PLEKHA2: variants seen among roughly 807,000 people sequenced by gnomAD.
The protein encoded by PLEKHA2 is pleckstrin homology domain containing A2.
PLEKHA2 carries 28 observed loss-of-function variants against 53.2 expected under a neutral mutation model. That is an observed-to-expected ratio of 0.53 (90% CI 0.39 to 0.72). PLEKHA2 has a LOEUF of 0.72. Among genes scored for constraint, PLEKHA2 ranks in the 30% least tolerant of loss-of-function variants. The pLI is 0.00. For missense variants in PLEKHA2, 426 were observed against 537.9 expected, an observed-to-expected ratio of 0.79 and a Z score of 2.06; for synonymous variants, 193 against 196.4, an observed-to-expected ratio of 0.98 and a Z score of 0.14.
chr8:38,901,809 C>A (rs1446397446), intron 1 of PLEKHA2: 1 of 152,230 alleles, frequency 6.6e-6, no homozygotes, highest in Non-Finnish European at 1.5e-5. Context: ...AGCGAAACTT[C>A]TCTGCGGGTT....
At chr8:38,901,555 G>C (rs1180715586) in intron 1 of PLEKHA2, 110 bp downstream of exon 1, 1 of 152,136 alleles carries the variant, frequency 6.6e-6, no homozygotes, top group Non-Finnish European at 1.5e-5. Context: ...TGGCGGCCTA[G>C]GGGCGCGAGG....
intron 3 of PLEKHA2, among the ~76,000 whole-genome samples, chr8:38,937,010 AC>A (rs941095979): frequency 3.3e-5 from 5 of 152,142 alleles, no homozygotes; most frequent in African/African-American, 1.2e-4. Context: ...CCATCTTGTA[AC>A]AAGCTTTGGG....
Position 38,969,584 on chromosome 8 carries a change from TC to T in PLEKHA2, c.1084del (p.Gln362ArgfsTer36). 1 of 1,610,232 alleles carries T rather than the reference TC, an allele frequency of 6.2e-7. No individual in the cohort carries two copies. The highest frequency in any genetic ancestry group is 1.7e-5 in the Admixed American group (1 of 59,332). On this transcript the variant is annotated frameshift_variant, in exon 12 of 12. Coordinates refer to ENST00000617275, the MANE Select transcript of PLEKHA2 (RefSeq NM_021623.2). LOFTEE classifies it high-confidence loss of function. ...VASSWQPWTP[V>X]PQAGEKLLPP... ...TCCTCCTGGCAGCCCTGGACACCTG[TC>T]CCCCAGGCTGGGGAGAAGCTGCTTC...
intron 4 of PLEKHA2, among the ~76,000 whole-genome samples, chr8:38,944,831 T>A (rs1834679587): frequency 6.6e-6 from 1 of 152,236 alleles, no homozygotes; most frequent in African/African-American, 2.4e-5. Flanking sequence ...ATTTTTTTCT[T>A]TTAATAATTG....
At chr8:38,963,658 G>A (rs1038715673) in intron 10 of PLEKHA2, among the ~76,000 whole-genome samples, 4 of 152,146 alleles carry the variant, frequency 2.6e-5, no homozygotes, top group Admixed American at 2.6e-4. Context: ...AGGATTGCTT[G>A]AGGCCAGGAA....
intron 10 of PLEKHA2, 26 bp downstream of exon 10, chr8:38,957,412 C>T: frequency 6.3e-7 from 1 of 1,581,892 alleles, no homozygotes; most frequent in South Asian, 1.1e-5. Context: ...CCAGAAGACT[C>T]CAGCATTCTG....
chr8:38,945,336 T>C (rs1490235079), intron 4 of PLEKHA2, among the ~76,000 whole-genome samples: 1 of 152,202 alleles, frequency 6.6e-6, no homozygotes, highest in Non-Finnish European at 1.5e-5. Flanking sequence ...AGTAAATATT[T>C]GTCAAATGAA....
At chr8:38,938,540 T>C (rs1411272076) in intron 3 of PLEKHA2, among the ~76,000 whole-genome samples, 1 of 152,242 alleles carries the variant, frequency 6.6e-6, no homozygotes, top group Non-Finnish European at 1.5e-5. Flanking sequence ...GCCTGGCCGC[T>C]GACGAGCTTG....
At chr8:38,945,470 T>C (rs1231134892) in intron 4 of PLEKHA2, among the ~76,000 whole-genome samples, 1 of 152,240 alleles carries the variant, frequency 6.6e-6, no homozygotes, top group East Asian at 1.9e-4. Flanking sequence ...TTGTTCAGAC[T>C]TCTTTGGCAT....
intron 3 of PLEKHA2, 86 bp downstream of exon 3, chr8:38,936,136 A>G (rs1346949293): frequency 1.1e-5 from 16 of 1,426,104 alleles, no homozygotes; most frequent in Admixed American, 6.8e-5. Context: ...TCCTTTGGGC[A>G]TTAGTATTTA....
chr8:38,920,191 C>T (rs948705882), intron 2 of PLEKHA2, among the ~76,000 whole-genome samples: 2 of 152,078 alleles, frequency 1.3e-5, no homozygotes, highest in Non-Finnish European at 2.9e-5. Context: ...CTCTCTGTTG[C>T]CCAGGCTAGA....
Position 38,971,513 on chromosome 8 carries a change from C to T in PLEKHA2, c.*1730C>T, listed in dbSNP as rs1455219207. 6.6e-6 allele frequency: 1 copy of T among 152,144 alleles called. No homozygotes were observed. The highest frequency in any genetic ancestry group is 1.5e-5 in the Non-Finnish European group (1 of 68,014). 9.4% of individuals were successfully genotyped at this position (152,144 alleles called of 1,614,324 possible). A position where few individuals can be genotyped will look rare whatever the true frequency, so the allele number is the denominator to read the frequency against. ...AAATTTTTTGGCTATTCAAAGAAAG[C>T]ACAAAATATGTGATGTGGAACTCAT... On this transcript the variant is annotated 3_prime_UTR_variant, in exon 12 of 12. Coordinates refer to ENST00000617275, the MANE Select transcript of PLEKHA2 (RefSeq NM_021623.2).
At chr8:38,939,923 A>G (rs997018125) in intron 3 of PLEKHA2, among the ~76,000 whole-genome samples, 2 of 151,384 alleles carry the variant, frequency 1.3e-5, no homozygotes, top group Non-Finnish European at 2.9e-5. Flanking sequence ...CTGTCTCTAC[A>G]AAAAAAATTT....
Position 38,922,083 on chromosome 8 carries a change from C to T in PLEKHA2, c.141+4013C>T, listed in dbSNP as rs142227023. ...GAGGCTGACAGGGGAAGAATTTGCC[C>T]GTGGTTACATAATAAAAAAGTAGCA... On this transcript the variant is annotated intron_variant, in intron 2 of 11. Transcript: ENST00000617275. The surrounding 1 kb of genome is among the most constrained non-coding windows in gnomAD (Gnocchi z 4.0). 5.3e-4 allele frequency among the ~76,000 whole-genome samples: 81 copies of T among 152,230 alleles called. No individual in the cohort carries two copies. Among genetic ancestry groups the T allele is most frequent in the African/African-American group, 1.7e-3 (72 of 41,530 alleles).
intron 2 of PLEKHA2, among the ~76,000 whole-genome samples, chr8:38,928,820 TC>T (rs1486637744): frequency 6.6e-6 from 1 of 152,138 alleles, no homozygotes; most frequent in Non-Finnish European, 1.5e-5. Flanking sequence ...GTGTCGTGTG[TC>T]CCCGCGTTAG....
At chr8:38,904,287 G>C (rs13262637) in intron 1 of PLEKHA2, among the ~76,000 whole-genome samples, 2 of 152,192 alleles carry the variant, frequency 1.3e-5, no homozygotes, top group South Asian at 4.1e-4. Context: ...GGAGGTCCCA[G>C]CCCTGCTGGG....
At chr8:38,933,069 T>TG (rs2129418503) in intron 2 of PLEKHA2, among the ~76,000 whole-genome samples, 1 of 152,332 alleles carries the variant, frequency 6.6e-6, no homozygotes, top group South Asian at 2.1e-4. Flanking sequence ...AGCTCATAGT[T>TG]GTTTTTCCAT....
chr8:38,947,089 G>A (rs1365122074), intron 5 of PLEKHA2, among the ~76,000 whole-genome samples: 1 of 152,172 alleles, frequency 6.6e-6, no homozygotes, highest in East Asian at 1.9e-4. Flanking sequence ...CAACCTGAGT[G>A]TAATTGAGTC....
rs764489062 is a variant in PLEKHA2, at chr8:38,957,319, C to G, written c.774-4C>G. 10 of 1,609,900 alleles carry G rather than the reference C, an allele frequency of 6.2e-6. No individual in the cohort carries two copies. The highest frequency in any genetic ancestry group is 8.5e-6 in the Non-Finnish European group (10 of 1,176,458). On this transcript the variant is annotated splice_polypyrimidine_tract_variant and splice_region_variant and intron_variant, in intron 9 of 11. Transcript: ENST00000617275. ...CATAACATTCTTTCTCTTTCTCTGTCTAGTGATCTCTTAATGAGGGACAAC... is the reference window on the plus strand; with the variant it reads ...CATAACATTCTTTCTCTTTCTCTGTGTAGTGATCTCTTAATGAGGGACAAC...
Sources: allele counts gnomAD v4.1 joint callset (sites outside exome capture counted in the v4.1 genomes callset), GRCh38; gene constraint gnomAD v4.1.1; non-coding constraint Gnocchi (gnomAD v3.1); transcripts MANE v1.5; gene names NCBI Gene and HGNC (gene_info 2026-07-23, HGNC 2026-07-21).